IL1RAPL1: variants seen among roughly 807,000 people sequenced by gnomAD.
IL1RAPL1 encodes interleukin 1 receptor accessory protein like 1, also known as interleukin-1 receptor accessory protein-like 1.
A neutral mutation model predicts 48.4 loss-of-function variants in IL1RAPL1; 3 were observed. The observed-to-expected ratio is 0.06, with a 90% CI of 0.03 to 0.16. The LOEUF is 0.16. Ranked by LOEUF, IL1RAPL1 falls within the 10% of genes least tolerant of loss-of-function variation. The pLI is 1.00. For missense variants in IL1RAPL1, 349 were observed against 530.6 expected (o/e 0.66, Z 3.36); for synonymous variants, 185 against 187.7 (o/e 0.99, Z 0.12).
intron 1 of IL1RAPL1, among the ~76,000 whole-genome samples, chrX:28,643,335 AT>A (rs1057250142): frequency 9.0e-6 from 1 of 110,852 alleles, no homozygotes; most frequent in African/African-American, 3.3e-5. Flanking sequence ...AAGTTGTTTG[AT>A]TTTTTTCCCC....
chrX:28,903,995 T>C (rs911223597), intron 2 of IL1RAPL1, among the ~76,000 whole-genome samples: 5 of 110,238 alleles, frequency 4.5e-5, no homozygotes, highest in Non-Finnish European at 7.6e-5. Flanking sequence ...TAGTCTTCCC[T>C]CTTTCTCCAT....
At chrX:28,712,889 A>G (rs1225357361) in intron 1 of IL1RAPL1, among the ~76,000 whole-genome samples, 2 of 111,492 alleles carry the variant, frequency 1.8e-5, no homozygotes, top group African/African-American at 6.5e-5. Context: ...ACAAAATAAT[A>G]TAAAAATACT....
intron 1 of IL1RAPL1, among the ~76,000 whole-genome samples, chrX:28,619,481 C>G: frequency 9.2e-6 from 1 of 108,513 alleles, no homozygotes; most frequent in African/African-American, 3.4e-5. Flanking sequence ...GTGGCACATG[C>G]TTGCAGTCCC....
At chrX:28,713,247 G>A (rs1189471614) in intron 1 of IL1RAPL1, among the ~76,000 whole-genome samples, 4 of 109,736 alleles carry the variant, frequency 3.6e-5, no homozygotes, top group Non-Finnish European at 7.6e-5. Flanking sequence ...CAGTAGAGAC[G>A]GGGTTTCACT....
chrX:29,503,302 C>A (rs190104813), intron 5 of IL1RAPL1, among the ~76,000 whole-genome samples: 46 of 111,467 alleles, frequency 4.1e-4, no homozygotes, highest in African/African-American at 1.5e-3. Flanking sequence ...CAGAGGGTCT[C>A]CTATATTCCA....
intron 5 of IL1RAPL1, among the ~76,000 whole-genome samples, chrX:29,510,690 A>G (rs1301743698): frequency 9.0e-6 from 1 of 111,647 alleles, no homozygotes; most frequent in Non-Finnish European, 1.9e-5. Flanking sequence ...TATCTCTTCT[A>G]GATCACAAAC....
At chrX:29,758,427 T>C (rs1928669081) in intron 6 of IL1RAPL1, among the ~76,000 whole-genome samples, 1 of 111,453 alleles carries the variant, frequency 9.0e-6, no homozygotes, top group Non-Finnish European at 1.9e-5. Context: ...ACGCAGTGGC[T>C]CACGCCTGTA....
chrX:29,389,682 C>T (rs965293964), intron 3 of IL1RAPL1, among the ~76,000 whole-genome samples: 1 of 112,258 alleles, frequency 8.9e-6, no homozygotes, highest in African/African-American at 3.2e-5. Flanking sequence ...ATATTGATCA[C>T]TTTCTACTAA....
At chrX:29,802,753 ATATATATATAT>A (rs1426096163) in intron 6 of IL1RAPL1, among the ~76,000 whole-genome samples, 3 of 19,147 alleles carry the variant, frequency 1.6e-4, no homozygotes, top group African/African-American at 3.4e-4. Context: ...AAAATTATAT[ATATATATATAT>A]ATATATATAT....
chrX:29,932,050 G>A (rs1296664922), intron 8 of IL1RAPL1, among the ~76,000 whole-genome samples: 8 of 111,969 alleles, frequency 7.1e-5, no homozygotes, highest in African/African-American at 2.6e-4. Context: ...GGTCACCTGA[G>A]GCCCTTTTTG....
At chrX:29,645,826 A>G (rs755334585) in intron 5 of IL1RAPL1, among the ~76,000 whole-genome samples, 13 of 112,011 alleles carry the variant, frequency 1.2e-4, no homozygotes, top group African/African-American at 2.6e-4. Context: ...CGCAAATCCA[A>G]TCTTAGTACA....
chrX:29,884,161 C>CTAAT (rs958643696), intron 6 of IL1RAPL1, among the ~76,000 whole-genome samples: 2 of 111,959 alleles, frequency 1.8e-5, no homozygotes, highest in African/African-American at 6.5e-5. Context: ...CATTTAATAC[C>CTAAT]TAATTCCAGT....
At chrX:29,326,834 A>C (rs762761302) in intron 3 of IL1RAPL1, among the ~76,000 whole-genome samples, 1 of 112,227 alleles carries the variant, frequency 8.9e-6, no homozygotes, top group Admixed American at 9.5e-5. Context: ...GCTGGAATCT[A>C]TACCAATTTT....
At chrX:29,124,244 C>T (rs1400564992) in intron 2 of IL1RAPL1, among the ~76,000 whole-genome samples, 1 of 112,053 alleles carries the variant, frequency 8.9e-6, no homozygotes, top group East Asian at 2.8e-4. Flanking sequence ...AGGATATTTA[C>T]AAATAGTCCA....
At chrX:28,783,059 A>C (rs185497634) in intron 1 of IL1RAPL1, among the ~76,000 whole-genome samples, 118 of 111,487 alleles carry the variant, frequency 1.1e-3, no homozygotes, top group African/African-American at 3.5e-3. Flanking sequence ...TTGAGAGTCA[A>C]ACCAACCCTT....
chrX:29,752,264 G>A (rs1355179496), intron 6 of IL1RAPL1, among the ~76,000 whole-genome samples: 2 of 106,870 alleles, frequency 1.9e-5, no homozygotes, highest in African/African-American at 6.8e-5. Flanking sequence ...TTGGGAGGCC[G>A]AGGCAGGTGG....
At chrX:28,842,576 C>T (rs1160169284) in intron 2 of IL1RAPL1, among the ~76,000 whole-genome samples, 1 of 111,306 alleles carries the variant, frequency 9.0e-6, no homozygotes, top group Non-Finnish European at 1.9e-5. Context: ...CCCTAATTAT[C>T]ACACAAGACA....
At chrX:29,684,863 G>A (rs2147107644) in intron 6 of IL1RAPL1, among the ~76,000 whole-genome samples, 1 of 111,853 alleles carries the variant, frequency 8.9e-6, no homozygotes, top group South Asian at 3.7e-4. Flanking sequence ...AAAAGCAAGT[G>A]GTCTCATTTC....
intron 2 of IL1RAPL1, among the ~76,000 whole-genome samples, chrX:29,170,793 T>C (rs1929892649): frequency 8.9e-6 from 1 of 111,760 alleles, no homozygotes; most frequent in African/African-American, 3.3e-5. Context: ...TATTTTTACT[T>C]GAACTCCGAT....
Sources: gnomAD v4.1 joint callset for allele counts (sites outside exome capture counted in the v4.1 genomes callset) on GRCh38, gnomAD v4.1.1 for gene constraint, MANE v1.5 for transcripts, NCBI Gene and HGNC (gene_info 2026-07-23, HGNC 2026-07-21) for gene names.